The following HNF4G variants were observed in gnomAD, a reference collection of about 807,000 sequenced individuals.
HNF4G encodes the protein hepatocyte nuclear factor 4 gamma, also known as hepatocyte nuclear factor 4-gamma.
In HNF4G, 21 loss-of-function variants were observed where a neutral mutation model predicts 50.9. The ratio of observed to expected loss-of-function variants is 0.41; its 90% CI spans 0.29 to 0.59. The LOEUF is 0.59. Among genes scored for constraint, HNF4G ranks in the 20% least tolerant of loss-of-function variants. The pLI is 0.26. For missense variants in HNF4G, 527 were observed against 559.4 expected (o/e 0.94, Z 0.58); for synonymous variants, 198 against 185.6 (o/e 1.07, Z -0.54).
intron 2 of HNF4G, among the ~76,000 whole-genome samples, chr8:75,529,164 G>A (rs1806259942): frequency 6.6e-6 from 1 of 152,040 alleles, no homozygotes; most frequent in Non-Finnish European, 1.5e-5. Flanking sequence ...GGTGGCGGGC[G>A]CCTGTAGTCC....
chr8:75,540,191 G>A (rs765594481), intron 1 of HNF4G, 111 bp downstream of exon 1: 13 of 638,036 alleles, frequency 2.0e-5, no homozygotes, highest in Admixed American at 1.6e-4. Flanking sequence ...GGAGAGTTTA[G>A]GGCTTGCTTT....
chr8:75,483,142 A>G (rs1352369930), intron 1 of HNF4G, among the ~76,000 whole-genome samples: 1 of 152,196 alleles, frequency 6.6e-6, no homozygotes, highest in Non-Finnish European at 1.5e-5. Flanking sequence ...GAGGAAATGG[A>G]CAACAGCATG....
At chr8:75,526,919 A>C (rs1182460932) in intron 2 of HNF4G, 1 of 151,622 alleles carries the variant, frequency 6.6e-6, no homozygotes, top group East Asian at 1.9e-4. Context: ...GACGCCCGCC[A>C]CCACGCCTGG....
At chr8:75,462,004 G>C (rs929527277) in intron 1 of HNF4G, among the ~76,000 whole-genome samples, 2 of 150,626 alleles carry the variant, frequency 1.3e-5, no homozygotes, top group African/African-American at 4.9e-5. Flanking sequence ...TGCAACCTCC[G>C]CCTCCTGGGT....
intron 1 of HNF4G, among the ~76,000 whole-genome samples, chr8:75,416,056 A>T (rs1373927211): frequency 2.0e-5 from 3 of 152,228 alleles, no homozygotes; most frequent in Admixed American, 6.5e-5. Context: ...GTTGTCTTTT[A>T]TTTGTAACCT....
chr8:75,425,607 T>A lies in HNF4G; in HGVS notation c.-144+17445T>A, dbSNP rs1364905575. 6.1e-5 allele frequency among the ~76,000 whole-genome samples: 9 copies of A among 148,216 alleles called. No individual in the cohort carries two copies. In the East Asian group the frequency reaches 1.8e-3, roughly 29 times the overall value. ...AATATTTATATATATTATATATTTT[T>A]TATATATATACACACTTCTGTAACC... On this transcript the variant is annotated intron_variant, in intron 1 of 10. Transcript: ENST00000354370.
chr8:75,537,417 T>G (rs552852276), upstream of HNF4G, among the ~76,000 whole-genome samples: 1 of 152,178 alleles, frequency 6.6e-6, no homozygotes, highest in East Asian at 1.9e-4. Flanking sequence ...CTAGTTTTTT[T>G]GTATTTTTAG....
At chr8:75,498,754 T>TA (rs1448920982) in intron 2 of HNF4G, among the ~76,000 whole-genome samples, 2 of 151,972 alleles carry the variant, frequency 1.3e-5, no homozygotes, top group Non-Finnish European at 2.9e-5. Context: ...GGTTCAACAT[T>TA]AAAAAATCAA....
At chr8:75,494,294 C>A (rs1391726732) in intron 2 of HNF4G, among the ~76,000 whole-genome samples, 1 of 131,770 alleles carries the variant, frequency 7.6e-6, no homozygotes, top group East Asian at 2.3e-4. Context: ...ACTGCTCTCC[C>A]ATACAGCACA....
intron 1 of HNF4G, among the ~76,000 whole-genome samples, chr8:75,412,007 GCTTGA>G (rs1351147008): frequency 5.9e-5 from 9 of 152,122 alleles, no homozygotes; most frequent in African/African-American, 2.2e-4. Context: ...CTACAGCACT[GCTTGA>G]CTTGTTGTAA....
intron 1 of HNF4G, among the ~76,000 whole-genome samples, chr8:75,429,824 T>G (rs533663804): frequency 6.6e-6 from 1 of 152,116 alleles, no homozygotes; most frequent in Admixed American, 6.6e-5. Flanking sequence ...TCTGACAGTA[T>G]GGTAGACTGA....
At chr8:75,563,923 G>A in intron 9 of HNF4G, 52 bp from the exon 10 acceptor site, 1 of 1,602,926 alleles carries the variant, frequency 6.2e-7, no homozygotes, top group Non-Finnish European at 8.5e-7. Flanking sequence ...GTTTAATGGG[G>A]TGAGGAAGAC....
chr8:75,496,737 A>G (rs1160259302), intron 2 of HNF4G, among the ~76,000 whole-genome samples: 1 of 152,026 alleles, frequency 6.6e-6, no homozygotes, highest in Non-Finnish European at 1.5e-5. Context: ...ACAAGTGGAG[A>G]AAAAGACATA....
exon 1 of HNF4G, chr8:75,408,061 T>C (rs1810405755): frequency 6.6e-6 from 1 of 152,024 alleles, no homozygotes; most frequent in Non-Finnish European, 1.5e-5. Flanking sequence ...CTCGGGCGGC[T>C]GAAGGAGGGG....
Position 75,560,445 on chromosome 8 carries a change from C to G in HNF4G, c.1225C>G (p.Leu409Val), listed in dbSNP as rs1721765679. The G allele has an allele frequency of 6.2e-7, 1 of 1,612,838 alleles. No individual in the cohort carries two copies. Among genetic ancestry groups the G allele is most frequent in the African/African-American group, 1.3e-5 (1 of 74,858 alleles). ...QTILLGPMST[L>V]VHADQISTPE... ...TATACTTTTAGGTCCCATGTCAACA[C>G]TGGTTCATGCAGACCAGATCTGTAA... Residue 409 changes from leucine to valine, a missense_variant, in exon 9 of 10, where the codon CTG becomes GTG. Around this residue, in one of 5 missense-constraint regions of HNF4G, gnomAD observed 308 missense variants for 301.5 expected, o/e 1.02. Transcript: ENST00000396423.
chr8:75,498,022 T>G (rs1485709889), intron 2 of HNF4G, among the ~76,000 whole-genome samples: 1 of 152,124 alleles, frequency 6.6e-6, no homozygotes, highest in Non-Finnish European at 1.5e-5. Flanking sequence ...ACACTTAGAA[T>G]TTTTAAGTTC....
At chr8:75,561,984 T>C (rs1807323077) in intron 9 of HNF4G, among the ~76,000 whole-genome samples, 1 of 152,220 alleles carries the variant, frequency 6.6e-6, no homozygotes, top group South Asian at 2.1e-4. Flanking sequence ...GAATTTACTC[T>C]AATTAATCCC....
Position 75,458,538 on chromosome 8 carries a change from CA to C in HNF4G, c.-143-31546del, listed in dbSNP as rs751450130. 7.5e-4 allele frequency among the ~76,000 whole-genome samples: 114 copies of C among 151,888 alleles called. 1 individual carries two copies. The highest frequency in any genetic ancestry group is 1.2e-3 in the Non-Finnish European group (79 of 67,938). On this transcript the variant is annotated intron_variant, in intron 1 of 10. Coordinates refer to the HNF4G transcript ENST00000354370. ...TCAGACAACAACAATAACAAATAAA[CA>C]AAAACTGTTTTGTCTTTGAGCATGA... is the stretch of plus-strand genomic sequence containing the variant.
chr8:75,513,730 A>T (rs540056991), intron 2 of HNF4G, among the ~76,000 whole-genome samples: 3 of 151,954 alleles, frequency 2.0e-5, no homozygotes, highest in African/African-American at 7.2e-5. Context: ...TGTTTTATGC[A>T]AAAGATTTTT....
Sources: allele counts gnomAD v4.1 joint callset (sites outside exome capture counted in the v4.1 genomes callset), GRCh38; gene constraint gnomAD v4.1.1; regional missense constraint gnomAD v4.1.1; transcripts MANE v1.5; gene names NCBI Gene and HGNC (gene_info 2026-07-23, HGNC 2026-07-21).